Variants in ETV6 observed in about 807,000 individuals in gnomAD.
ETV6 encodes the protein ETS variant transcription factor 6, also known as transcription factor ETV6.
A neutral mutation model predicts 51.1 loss-of-function variants in ETV6; 16 were observed. The ratio of observed to expected loss-of-function variants is 0.31; its 90% CI spans 0.21 to 0.48. The LOEUF is 0.48. Among genes scored for constraint, ETV6 ranks in the 20% least tolerant of loss-of-function variants. ETV6 has a pLI of 0.99. For missense variants in ETV6, 458 were observed against 594.8 expected (o/e 0.77, Z 2.39); for synonymous variants, 240 against 224.1 (o/e 1.07, Z -0.64).
chr12:11,825,108 C>G (rs553056239), intron 2 of ETV6, among the ~76,000 whole-genome samples: 7 of 152,170 alleles, frequency 4.6e-5, no homozygotes, highest in Non-Finnish European at 1.0e-4. Flanking sequence ...CCCTACTTAC[C>G]TCCAAATGAG....
chr12:11,882,813 C>G (rs1182149550), intron 5 of ETV6, among the ~76,000 whole-genome samples: 1 of 152,212 alleles, frequency 6.6e-6, no homozygotes, highest in Admixed American at 6.5e-5. Flanking sequence ...CTCTGCAATG[C>G]GGATGTGTTG....
In ETV6 at chr12:11,743,515, T is replaced by C. The variant is rs567278498; in HGVS notation, c.34-8935T>C. On this transcript the variant is annotated intron_variant, in intron 1 of 7. Coordinates refer to ENST00000396373, the MANE Select transcript of ETV6 (RefSeq NM_001987.5). ...CCTGGTGTGTCTTCATACAAACAGC[T>C]TTGCTGGGGCTGCCTAGAGCCTGGG... Among the ~76,000 whole-genome samples, 4 of 152,270 alleles carry C rather than the reference T, an allele frequency of 2.6e-5. No individual in the cohort carries two copies. The South Asian group carries it at 8.3e-4, about 32-fold the overall frequency.
intron 4 of ETV6, among the ~76,000 whole-genome samples, chr12:11,858,328 G>A (rs949013758): frequency 7.9e-5 from 12 of 152,096 alleles, no homozygotes; most frequent in African/African-American, 2.9e-4. Context: ...TTTGTCACGT[G>A]CAGTTGTGAT....
At chr12:11,680,174 T>C (rs1864499444) in intron 1 of ETV6, among the ~76,000 whole-genome samples, 1 of 152,356 alleles carries the variant, frequency 6.6e-6, no homozygotes, top group East Asian at 1.9e-4. Flanking sequence ...GTCAGCTATC[T>C]GAGGCATTCC....
chr12:11,783,000 G>A (rs1945433813), intron 2 of ETV6, among the ~76,000 whole-genome samples: 1 of 152,122 alleles, frequency 6.6e-6, no homozygotes, highest in African/African-American at 2.4e-5. Flanking sequence ...GGCTTTTGTA[G>A]GTAGCAGCTG....
intron 2 of ETV6, among the ~76,000 whole-genome samples, chr12:11,810,754 T>C (rs1350361847): frequency 6.6e-6 from 1 of 152,226 alleles, no homozygotes; most frequent in Non-Finnish European, 1.5e-5. Flanking sequence ...TTTGAAACTA[T>C]TATTATCTCT....
At chr12:11,721,980 G>A (rs1865397458) in intron 1 of ETV6, among the ~76,000 whole-genome samples, 1 of 152,170 alleles carries the variant, frequency 6.6e-6, no homozygotes, top group South Asian at 2.1e-4. Flanking sequence ...ATTTTTGAGA[G>A]CTGTAATTTA....
intron 2 of ETV6, among the ~76,000 whole-genome samples, chr12:11,758,539 G>A (rs1196249389): frequency 6.6e-6 from 1 of 152,138 alleles, no homozygotes. Flanking sequence ...ATTTCCAGGG[G>A]CTCAGTTTTG....
At chr12:11,875,961 C>T (rs1049410654) in intron 5 of ETV6, among the ~76,000 whole-genome samples, 7 of 152,160 alleles carry the variant, frequency 4.6e-5, no homozygotes, top group African/African-American at 1.4e-4. Flanking sequence ...TTACAGAAAA[C>T]GTTTGATGCT....
At chr12:11,736,381 C>CT (rs1209514020) in intron 1 of ETV6, among the ~76,000 whole-genome samples, 1 of 152,146 alleles carries the variant, frequency 6.6e-6, no homozygotes, top group Non-Finnish European at 1.5e-5. Context: ...CAATGAACAA[C>CT]TTTGATCCTT....
chr12:11,689,949 C>T (rs1864720807), intron 1 of ETV6, among the ~76,000 whole-genome samples: 1 of 151,868 alleles, frequency 6.6e-6, no homozygotes, highest in African/African-American at 2.4e-5. Flanking sequence ...GATGGATTTT[C>T]GTGCGCAAAT....
chr12:11,853,668 C>A, intron 4 of ETV6, 107 bp downstream of exon 4: 5 of 1,300,988 alleles, frequency 3.8e-6, no homozygotes, highest in South Asian at 1.3e-5. Flanking sequence ...ACTTTTCATT[C>A]AGTAGACAAT....
intron 1 of ETV6, among the ~76,000 whole-genome samples, chr12:11,738,524 C>G (rs1251005467): frequency 6.6e-6 from 1 of 151,576 alleles, no homozygotes; most frequent in Non-Finnish European, 1.5e-5. Context: ...CCAGACTCAT[C>G]TCAAACTCCT....
intron 2 of ETV6, among the ~76,000 whole-genome samples, chr12:11,816,642 CAG>C (rs1183763246): frequency 6.6e-6 from 1 of 152,130 alleles, no homozygotes; most frequent in East Asian, 1.9e-4. Flanking sequence ...TTAATGTATA[CAG>C]AGACTAAGGA....
intron 1 of ETV6, among the ~76,000 whole-genome samples, chr12:11,725,640 G>A (rs1242964168): frequency 2.0e-5 from 3 of 152,166 alleles, no homozygotes; most frequent in African/African-American, 7.2e-5. Context: ...TGTTGGAGGT[G>A]GGGCCTAATG....
chr12:11,705,009 G>C (rs1266379643), intron 1 of ETV6, among the ~76,000 whole-genome samples: 2 of 152,164 alleles, frequency 1.3e-5, no homozygotes, highest in African/African-American at 4.8e-5. Context: ...CAAATACAGA[G>C]ACAGAGAATG....
rs141305364 is a variant in ETV6, at chr12:11,651,322, G to T, written c.33+1162G>T. ...TGGGGAGTTAGAAAAACCCTTCCTG[G>T]TTTAACACTGCCTTTCAATTAGAGT... On this transcript the variant is annotated intron_variant, in intron 1 of 7. Transcript: ENST00000396373. 6.8e-4 allele frequency among the ~76,000 whole-genome samples: 103 copies of T among 152,224 alleles called. 1 individual carries two copies. The East Asian group carries it at 0.014, about 21-fold the overall frequency.
intron 2 of ETV6, among the ~76,000 whole-genome samples, chr12:11,800,545 C>G (rs1945731907): frequency 6.7e-6 from 1 of 149,860 alleles, no homozygotes; most frequent in Non-Finnish European, 1.5e-5. Flanking sequence ...TATCCTTTGA[C>G]CAACACCTCC....
chr12:11,855,632 C>A (rs896899587), intron 4 of ETV6, among the ~76,000 whole-genome samples: 1 of 152,192 alleles, frequency 6.6e-6, no homozygotes, highest in Non-Finnish European at 1.5e-5. Flanking sequence ...ATTAACACTT[C>A]ACAAAAGAGA....
Sources: allele counts gnomAD v4.1 joint callset (sites outside exome capture counted in the v4.1 genomes callset), GRCh38; gene constraint gnomAD v4.1.1; transcripts MANE v1.5; gene names NCBI Gene and HGNC (gene_info 2026-07-23, HGNC 2026-07-21).